UGT1A10: variants seen among roughly 807,000 people sequenced by gnomAD.
The protein encoded by UGT1A10 is UDP-glucuronosyltransferase 1A10.
In UGT1A10, 49 loss-of-function variants were observed where a neutral mutation model predicts 45.8. The observed-to-expected ratio is 1.07, with a 90% CI of 0.85 to 1.36. The LOEUF is 1.36. UGT1A10 is among the 40% of genes most tolerant of loss of function. The pLI is 0.00. For missense variants in UGT1A10, 745 were observed against 668.6 expected (o/e 1.11, Z -1.26); for synonymous variants, 284 against 249.7 (o/e 1.14, Z -1.29).
chr2:233,637,514 C>A (rs1028353222), intron 1 of UGT1A10, 137 bp downstream of exon 1: 3 of 1,463,516 alleles, frequency 2.0e-6, no homozygotes, highest in South Asian at 3.0e-5. Context: ...TTATTTTGTG[C>A]GAATTCATGT....
chr2:233,738,092 G>A (rs994009191), intron 1 of UGT1A10, among the ~76,000 whole-genome samples: 1 of 152,196 alleles, frequency 6.6e-6, no homozygotes, highest in African/African-American at 2.4e-5. Context: ...ATCATAGTGA[G>A]TGAGTTCTTA....
At chr2:233,750,124 G>C (rs1694369237) in intron 1 of UGT1A10, among the ~76,000 whole-genome samples, 1 of 151,918 alleles carries the variant, frequency 6.6e-6, no homozygotes, top group South Asian at 2.1e-4. Context: ...GAAGATGTGG[G>C]AAAGTTTGGA....
chr2:233,655,459 C>T (rs546904097), intron 1 of UGT1A10, among the ~76,000 whole-genome samples: 7 of 152,256 alleles, frequency 4.6e-5, no homozygotes, highest in East Asian at 1.9e-4. Flanking sequence ...AGAAGGGGCA[C>T]GACTTAAGGA....
At chr2:233,729,155 C>A in intron 1 of UGT1A10, 1 of 1,613,596 alleles carries the variant, frequency 6.2e-7, no homozygotes, top group Non-Finnish European at 8.5e-7. Flanking sequence ...GTTCCCCTGC[C>A]GTGGCTGGCC....
chr2:233,706,466 C>T (rs1190606986), intron 1 of UGT1A10, among the ~76,000 whole-genome samples: 1 of 152,212 alleles, frequency 6.6e-6, no homozygotes, highest in African/African-American at 2.4e-5. Context: ...GAGGTTTCAC[C>T]ATAGGCTGGG....
At chr2:233,754,989 C>T (rs749655557) in intron 1 of UGT1A10, 7 of 1,296,678 alleles carry the variant, frequency 5.4e-6, no homozygotes, top group Admixed American at 1.9e-5. Context: ...GGCGGGGTCA[C>T]GGAAGCTGAA....
intron 1 of UGT1A10, chr2:233,689,955 C>T (rs557485607): frequency 1.1e-5 from 5 of 456,466 alleles, no homozygotes; most frequent in African/African-American, 1.0e-4. Context: ...CCTTTATTTC[C>T]ATGCTTGGAG....
chr2:233,730,126 G>A, intron 1 of UGT1A10: 1 of 1,542,516 alleles, frequency 6.5e-7, no homozygotes, highest in Non-Finnish European at 8.7e-7. Flanking sequence ...TGTCATAATA[G>A]CCTTCAGTGA....
At chr2:233,717,097 A>C (rs1035812992) in intron 1 of UGT1A10, among the ~76,000 whole-genome samples, 3 of 152,144 alleles carry the variant, frequency 2.0e-5, no homozygotes, top group Non-Finnish European at 4.4e-5. Flanking sequence ...TGACATCACT[A>C]TCTAAATAAA....
At chr2:233,719,208 G>A (rs2076737405) in intron 1 of UGT1A10, 1 of 1,614,098 alleles carries the variant, frequency 6.2e-7, no homozygotes, top group African/African-American at 1.3e-5. Context: ...GTGTTGTGTG[G>A]AGCTACTGCA....
chr2:233,673,554 T>G (rs1393470534), intron 1 of UGT1A10, among the ~76,000 whole-genome samples: 4 of 152,064 alleles, frequency 2.6e-5, no homozygotes, highest in Non-Finnish European at 4.4e-5. Context: ...GGATTGGCAT[T>G]TTTTTGCTAT....
chr2:233,740,484 TC>T (rs1034882349), intron 1 of UGT1A10, among the ~76,000 whole-genome samples: 1 of 151,900 alleles, frequency 6.6e-6, no homozygotes, highest in African/African-American at 2.4e-5. Flanking sequence ...CATTCCCTCT[TC>T]CAGATGCTTT....
Position 233,767,956 on chromosome 2 carries a change from T to A in UGT1A10, c.1075+20T>A. 6.2e-7 allele frequency: 1 copy of A among 1,614,192 alleles called. No individual in the cohort carries two copies. Among genetic ancestry groups the A allele is most frequent in the Non-Finnish European group, 8.5e-7 (1 of 1,180,026 alleles). ...TGCTTGGTATGTTGGGCGGATTGGATGTATAGGTCAAACCAGGGTCAAATT... is the reference window on the plus strand; with the variant it reads ...TGCTTGGTATGTTGGGCGGATTGGAAGTATAGGTCAAACCAGGGTCAAATT... On this transcript the variant is annotated intron_variant, in intron 3 of 4. Transcript: ENST00000344644.
At chr2:233,690,556 G>A (rs1318268552) in intron 1 of UGT1A10, 1 of 1,289,304 alleles carries the variant, frequency 7.8e-7, no homozygotes, top group East Asian at 5.6e-5. Flanking sequence ...TATGTCCCAA[G>A]CCTGAGTCAT....
At chr2:233,730,660 G>A (rs979166401) in intron 1 of UGT1A10, among the ~76,000 whole-genome samples, 21 of 152,010 alleles carry the variant, frequency 1.4e-4, no homozygotes, top group African/African-American at 5.1e-4. Flanking sequence ...CTCAGAGTTC[G>A]GAAGGCAAAG....
At chr2:233,670,699 C>T (rs1475083556) in intron 1 of UGT1A10, among the ~76,000 whole-genome samples, 1 of 152,126 alleles carries the variant, frequency 6.6e-6, no homozygotes. Context: ...ATATCCCCCA[C>T]CTTTTGTTGC....
At chr2:233,722,458 CTG>C (rs1559367331) in intron 1 of UGT1A10, among the ~76,000 whole-genome samples, 1 of 152,186 alleles carries the variant, frequency 6.6e-6, no homozygotes, top group South Asian at 2.1e-4. Flanking sequence ...AAAGAAATAA[CTG>C]TGGAATTTGT....
rs528683999 is a variant in UGT1A10 at position 233,722,200 on chromosome 2, G to A, written c.856-44834G>A. 2 of 154,324 alleles carry A rather than the reference G, an allele frequency of 1.3e-5. 1 individual carries two copies. Among genetic ancestry groups the A allele is most frequent in the African/African-American group, 4.8e-5 (2 of 41,610 alleles). The allele number at this position is 154,324 out of a possible 1,614,324, so 9.6% of individuals were successfully genotyped here. A position where few individuals can be genotyped will look rare whatever the true frequency, so the allele number is the denominator to read the frequency against. ...CCATGTTCGTGCCAATTTACTGAGT[G>A]CATGAAAGATCATTTACACCAAAAT... On this transcript the variant is annotated intron_variant, in intron 1 of 4. Coordinates refer to ENST00000344644, the MANE Select transcript of UGT1A10 (RefSeq NM_019075.4).
chr2:233,689,417 T>C (rs2074941535), intron 1 of UGT1A10, among the ~76,000 whole-genome samples: 1 of 152,226 alleles, frequency 6.6e-6, no homozygotes, highest in East Asian at 1.9e-4. Context: ...ATCTCTCTAA[T>C]GGCTTGCAAG....
Sources: gnomAD v4.1 joint callset for allele counts (sites outside exome capture counted in the v4.1 genomes callset) on GRCh38, gnomAD v4.1.1 for gene constraint, MANE v1.5 for transcripts, NCBI Gene and HGNC (gene_info 2026-07-23, HGNC 2026-07-21) for gene names.